SORBS2: variants seen among roughly 807,000 people sequenced by gnomAD.
SORBS2 encodes the protein sorbin and SH3 domain containing 2.
Under a neutral mutation model 97.7 loss-of-function variants are expected in SORBS2, and 46 were observed. The ratio of observed to expected loss-of-function variants is 0.47; its 90% CI spans 0.37 to 0.60. SORBS2 has a LOEUF of 0.60. Among genes scored for constraint, SORBS2 ranks in the 20% least tolerant of loss-of-function variants. The probability of loss-of-function intolerance (pLI) is 0.00; values close to 1 mark genes in which losing one functional copy is unlikely to be tolerated. For missense variants in SORBS2, 1,316 were observed against 1,282.3 expected (o/e 1.03, Z -0.40); for synonymous variants, 476 against 473.4 (o/e 1.01, Z -0.07).
chr4:185,848,546 C>T (rs1156262369), intron 1 of SORBS2, among the ~76,000 whole-genome samples: 2 of 144,686 alleles, frequency 1.4e-5, no homozygotes, highest in Non-Finnish European at 3.0e-5. Context: ...AACTGTCACA[C>T]AAATGAAGAT....
chr4:185,828,808 C>G (rs920811251), intron 1 of SORBS2, among the ~76,000 whole-genome samples: 1 of 152,090 alleles, frequency 6.6e-6, no homozygotes, highest in Non-Finnish European at 1.5e-5. Flanking sequence ...GCAGGTCAGG[C>G]GATTCAAGTC....
At chr4:185,863,221 C>T (rs78910191) in intron 1 of SORBS2, among the ~76,000 whole-genome samples, 8,967 of 152,162 alleles carry the variant, frequency 0.059, 314 homozygotes, top group East Asian at 0.14. Context: ...ATGGGATCTG[C>T]CTTCTTTCAA....
At chr4:185,737,241 G>C (rs1020098256) in intron 2 of SORBS2, among the ~76,000 whole-genome samples, 3 of 152,164 alleles carry the variant, frequency 2.0e-5, no homozygotes, top group East Asian at 1.9e-4. Context: ...TTCCAGGTTG[G>C]GGGTATAAAG....
At chr4:185,615,674 G>A (rs1013654235) in intron 9 of SORBS2, among the ~76,000 whole-genome samples, 3 of 152,066 alleles carry the variant, frequency 2.0e-5, no homozygotes, top group African/African-American at 4.8e-5. Context: ...CTTTGAAGTT[G>A]GTTGACAGGT....
rs185468769 is a variant in SORBS2, at chr4:185,607,763, C to T, written c.2796+4017G>A. Among the ~76,000 whole-genome samples, 22 of 151,530 alleles carry T rather than the reference C, an allele frequency of 1.5e-4. No individual in the cohort carries two copies. Among genetic ancestry groups the T allele is most frequent in the Middle Eastern group, 3.4e-3 (1 of 294 alleles). ...AGGCTGGAGTGCAGTGGTGTGATCT[C>T]GGCTCACTGCAACCTCTGCCTCCCA... On this transcript the variant is annotated intron_variant, in intron 12 of 14. Coordinates refer to ENST00000418609, the Ensembl canonical transcript of SORBS2. This position sits in a 1 kb window ranked among gnomAD's most constrained non-coding sequence, Gnocchi z 5.2.
chr4:185,643,028 A>T (rs919500772), intron 4 of SORBS2, among the ~76,000 whole-genome samples: 1 of 152,236 alleles, frequency 6.6e-6, no homozygotes, highest in Non-Finnish European at 1.5e-5. Flanking sequence ...TTCACTGAAC[A>T]CCTGCTACAG....
intron 2 of SORBS2, among the ~76,000 whole-genome samples, chr4:185,738,197 T>G (rs1023305506): frequency 5.9e-5 from 9 of 152,202 alleles, no homozygotes; most frequent in African/African-American, 2.2e-4. Context: ...CTAAAGCAAT[T>G]TTCGTGTAAA....
At chr4:185,857,671 A>G (rs1338106457) in intron 1 of SORBS2, among the ~76,000 whole-genome samples, 1 of 152,176 alleles carries the variant, frequency 6.6e-6, no homozygotes, top group Non-Finnish European at 1.5e-5. Context: ...CCCAGCAAGG[A>G]ATAACCATGG....
At chr4:185,668,565 G>A (rs2097656333) in intron 4 of SORBS2, among the ~76,000 whole-genome samples, 1 of 152,138 alleles carries the variant, frequency 6.6e-6, no homozygotes. Context: ...TCACATGAAT[G>A]GAATATACCC....
chr4:185,663,639 C>A (rs2097552175), intron 4 of SORBS2, among the ~76,000 whole-genome samples: 1 of 152,034 alleles, frequency 6.6e-6, no homozygotes, highest in Admixed American at 6.6e-5. Context: ...CCTCCTTGCC[C>A]AAGTTAAGTT....
chr4:185,870,258 C>T (rs907011498), intron 1 of SORBS2, among the ~76,000 whole-genome samples: 2 of 152,104 alleles, frequency 1.3e-5, no homozygotes, highest in Admixed American at 6.5e-5. Flanking sequence ...GGGTTCCCTG[C>T]GTAGGGGAAT....
At chr4:185,723,095 A>T (rs888811296) in intron 2 of SORBS2, among the ~76,000 whole-genome samples, 7 of 152,134 alleles carry the variant, frequency 4.6e-5, no homozygotes, top group Admixed American at 3.9e-4. Context: ...GTTATTTGTA[A>T]ATTAGTAAAT....
intron 2 of SORBS2, among the ~76,000 whole-genome samples, chr4:185,734,740 A>G (rs2098671642): frequency 6.6e-6 from 1 of 152,172 alleles, no homozygotes; most frequent in Non-Finnish European, 1.5e-5. Context: ...CCAGCATTTT[A>G]AAGTCAGCTC....
At chr4:185,793,982 A>C (rs2099093442) in intron 1 of SORBS2, among the ~76,000 whole-genome samples, 1 of 152,182 alleles carries the variant, frequency 6.6e-6, no homozygotes, top group South Asian at 2.1e-4. Context: ...GCAAAATTGG[A>C]AGGACATTGG....
intron 1 of SORBS2, among the ~76,000 whole-genome samples, chr4:185,830,595 A>T (rs1199206614): frequency 6.6e-6 from 1 of 152,226 alleles, no homozygotes; most frequent in African/African-American, 2.4e-5. Flanking sequence ...GGAAAGTAAA[A>T]GCTCATGGCC....
At chr4:185,811,411 G>A (rs1561182801) in intron 1 of SORBS2, among the ~76,000 whole-genome samples, 1 of 152,140 alleles carries the variant, frequency 6.6e-6, no homozygotes, top group Non-Finnish European at 1.5e-5. Context: ...TGCTCAAACA[G>A]TAAATATTGG....
chr4:185,735,206 C>A (rs139230952), intron 2 of SORBS2, among the ~76,000 whole-genome samples: 16 of 152,206 alleles, frequency 1.1e-4, no homozygotes, highest in African/African-American at 3.6e-4. Context: ...CAGGGGTCCT[C>A]ATATCCCTTC....
At chr4:185,762,624 A>G (rs78827810) in intron 2 of SORBS2, among the ~76,000 whole-genome samples, 4,430 of 152,306 alleles carry the variant, frequency 0.029, 95 homozygotes, top group South Asian at 0.095. Flanking sequence ...AGTCAGCAGC[A>G]TGTAATGCCA....
chr4:185,908,797 A>G (rs2149867044), intron 1 of SORBS2, among the ~76,000 whole-genome samples: 1 of 152,216 alleles, frequency 6.6e-6, no homozygotes, highest in African/African-American at 2.4e-5. Context: ...AAGACACAAA[A>G]CAGATAGGTT....
Sources: gnomAD v4.1 joint callset for allele counts (sites outside exome capture counted in the v4.1 genomes callset) on GRCh38, gnomAD v4.1.1 for gene constraint, Gnocchi (gnomAD v3.1) non-coding constraint, MANE v1.5 for transcripts, NCBI Gene and HGNC (gene_info 2026-07-23, HGNC 2026-07-21) for gene names.